SRPK2: variants seen among roughly 807,000 people sequenced by gnomAD.
The protein encoded by SRPK2 is SRSF protein kinase 2.
In SRPK2, 21 loss-of-function variants were observed where a neutral mutation model predicts 90.8. The observed-to-expected ratio is 0.23, with a 90% confidence interval of 0.16 to 0.33. The LOEUF is 0.33. Ranked by LOEUF, SRPK2 falls within the 10% of genes least tolerant of loss-of-function variation. The pLI is 1.00. For synonymous variants in SRPK2, 288 were observed against 311.1 expected, an observed-to-expected ratio of 0.93 and a Z score of 0.78; for missense variants, 620 against 869.0, an observed-to-expected ratio of 0.71 and a Z score of 3.60.
chr7:105,256,880 T>C (rs999013675), intron 2 of SRPK2, among the ~76,000 whole-genome samples: 4 of 152,188 alleles, frequency 2.6e-5, no homozygotes, highest in African/African-American at 9.7e-5. Context: ...AGCAACTGTG[T>C]TTGTAACCTC....
At position 105,280,656 on chromosome 7, in the gene SRPK2, A is replaced by AGGG. The variant is rs34617561; in HGVS notation, c.72-76874_72-76872dup. 1.2e-3 allele frequency among the ~76,000 whole-genome samples: 31 copies of AGGG among 25,968 alleles called. 1 individual carries two copies. The highest frequency in any genetic ancestry group is 2.3e-3 in the African/African-American group (31 of 13,610). The allele number at this position is 25,968 out of a possible 152,430, so 17.0% of individuals were successfully genotyped here. ...ATAAGAAAACAAGTCATTAAAAAAAAGGGGGGGGGGGCCGGGCACAGTGGC... is the reference window on the plus strand; with the variant it reads ...ATAAGAAAACAAGTCATTAAAAAAAAGGGGGGGGGGGGGGCCGGGCACAGTGGC... On this transcript the variant is annotated intron_variant, in intron 2 of 15. Coordinates refer to ENST00000393651, the MANE Select transcript of SRPK2 (RefSeq NM_182692.3).
At chr7:105,148,215 G>A (rs1804948984) in intron 7 of SRPK2, among the ~76,000 whole-genome samples, 1 of 152,110 alleles carries the variant, frequency 6.6e-6, no homozygotes, top group African/African-American at 2.4e-5. Context: ...GTATCTTGTT[G>A]TAGTTTTGAT....
At chr7:105,346,161 T>A (rs538527386) in intron 2 of SRPK2, among the ~76,000 whole-genome samples, 1 of 152,310 alleles carries the variant, frequency 6.6e-6, no homozygotes, top group Admixed American at 6.5e-5. Context: ...AGCAAAATAA[T>A]CACCAAATGC....
In SRPK2 at chr7:105,187,156, G is replaced by A. The variant is rs143610928; in HGVS notation, c.229+16472C>T. Among the ~76,000 whole-genome samples, 390 of 152,202 alleles carry A rather than the reference G, an allele frequency of 2.6e-3. 2 individuals carry two copies. The highest frequency in any genetic ancestry group is 9.0e-3 in the African/African-American group (374 of 41,534). On this transcript the variant is annotated intron_variant, in intron 3 of 15. Coordinates refer to ENST00000393651, the MANE Select transcript of SRPK2 (RefSeq NM_182692.3). Reference sequence around the variant, plus strand: ...TTTATTATACAACAATAATCACAACGGTCTTTATTCTGCTCACCACAACAG... The same window carrying A: ...TTTATTATACAACAATAATCACAACAGTCTTTATTCTGCTCACCACAACAG...
intron 11 of SRPK2, among the ~76,000 whole-genome samples, chr7:105,135,251 T>C (rs1802618953): frequency 6.6e-6 from 1 of 152,198 alleles, no homozygotes; most frequent in African/African-American, 2.4e-5. Flanking sequence ...TCTATGAGGC[T>C]TGGTGTTCAG....
At chr7:105,208,099 C>A (rs572890539) in intron 2 of SRPK2, among the ~76,000 whole-genome samples, 2 of 152,224 alleles carry the variant, frequency 1.3e-5, no homozygotes, top group Admixed American at 6.5e-5. Context: ...CAGTCTGACA[C>A]CACTTCATAC....
At chr7:105,356,205 G>A (rs951303621) in intron 2 of SRPK2, among the ~76,000 whole-genome samples, 1 of 152,068 alleles carries the variant, frequency 6.6e-6, no homozygotes, top group Non-Finnish European at 1.5e-5. Flanking sequence ...ATAGGAGAAA[G>A]CAAGAGCCTC....
intron 3 of SRPK2, among the ~76,000 whole-genome samples, chr7:105,202,379 T>C (rs1441780400): frequency 6.6e-6 from 1 of 152,240 alleles, no homozygotes; most frequent in African/African-American, 2.4e-5. Context: ...TCTAATGCTA[T>C]ATAGAATCTG....
intron 2 of SRPK2, among the ~76,000 whole-genome samples, chr7:105,213,443 G>GT (rs1797090529): frequency 6.6e-6 from 1 of 152,174 alleles, no homozygotes; most frequent in African/African-American, 2.4e-5. Context: ...TTCCAAGCAT[G>GT]TAAGAGTGCT....
intron 13 of SRPK2, among the ~76,000 whole-genome samples, chr7:105,131,864 C>A (rs1016126644): frequency 1.3e-5 from 2 of 151,966 alleles, no homozygotes; most frequent in African/African-American, 2.4e-5. Context: ...GCATGAAACC[C>A]AACAGCAAGC....
chr7:105,266,161 C>G (rs778336446), intron 2 of SRPK2, among the ~76,000 whole-genome samples: 5 of 152,028 alleles, frequency 3.3e-5, no homozygotes, highest in Non-Finnish European at 7.4e-5. Flanking sequence ...CCCCAAACAA[C>G]CTTCAAATTC....
chr7:105,270,193 TGA>T (rs1274321678), intron 2 of SRPK2, among the ~76,000 whole-genome samples: 1 of 152,150 alleles, frequency 6.6e-6, no homozygotes, highest in African/African-American at 2.4e-5. Context: ...GAATACCTGA[TGA>T]GAGAGCAGAA....
At chr7:105,123,594 T>G (rs1435856610) in intron 15 of SRPK2, among the ~76,000 whole-genome samples, 1 of 152,220 alleles carries the variant, frequency 6.6e-6, no homozygotes, top group Non-Finnish European at 1.5e-5. Context: ...AATTATGGAA[T>G]TTCCCCTATA....
At chr7:105,269,190 A>T in intron 2 of SRPK2, 3 of 668,878 alleles carry the variant, frequency 4.5e-6, no homozygotes, top group Non-Finnish European at 5.5e-6. Flanking sequence ...AATACAAACA[A>T]GAAATCTTGA....
intron 1 of SRPK2, among the ~76,000 whole-genome samples, chr7:105,398,759 G>A (rs1275579515): frequency 1.3e-5 from 2 of 152,174 alleles, no homozygotes; most frequent in Non-Finnish European, 2.9e-5. Context: ...CATCATAATA[G>A]TGTAACATAG....
intron 2 of SRPK2, among the ~76,000 whole-genome samples, chr7:105,240,325 G>A (rs1004778123): frequency 3.3e-5 from 5 of 152,116 alleles, no homozygotes; most frequent in Admixed American, 1.3e-4. Context: ...ATCACATTGG[G>A]GGTTAGGAAT....
At chr7:105,176,340 A>C (rs1326240084) in intron 3 of SRPK2, among the ~76,000 whole-genome samples, 2 of 152,194 alleles carry the variant, frequency 1.3e-5, no homozygotes, top group Non-Finnish European at 2.9e-5. Flanking sequence ...GCCCACAGAT[A>C]ACATCAGATT....
At chr7:105,128,240 C>T (rs1056483535) in intron 13 of SRPK2, among the ~76,000 whole-genome samples, 1 of 152,192 alleles carries the variant, frequency 6.6e-6, no homozygotes, top group Admixed American at 6.5e-5. Flanking sequence ...TCCAGCTGAC[C>T]GAGCGATAAG....
At chr7:105,170,809 GAGA>G (rs1790766267) in intron 3 of SRPK2, among the ~76,000 whole-genome samples, 1 of 114,082 alleles carries the variant, frequency 8.8e-6, no homozygotes, top group Admixed American at 1.0e-4. Flanking sequence ...GGGAGGGAGA[GAGA>G]GAGGGAGAGA....
Sources: gnomAD v4.1 joint callset for allele counts (sites outside exome capture counted in the v4.1 genomes callset) on GRCh38, gnomAD v4.1.1 for gene constraint, MANE v1.5 for transcripts, NCBI Gene and HGNC (gene_info 2026-07-23, HGNC 2026-07-21) for gene names.